The following TENM2 variants were observed in gnomAD, a reference collection of about 807,000 sequenced individuals.
TENM2 encodes the protein teneurin transmembrane protein 2.
Under a neutral mutation model 245.2 loss-of-function variants are expected in TENM2, and 52 were observed. That is an observed-to-expected ratio of 0.21 (90% CI 0.17 to 0.27). The LOEUF is 0.27. Among genes scored for constraint, TENM2 ranks in the 10% least tolerant of loss-of-function variants. TENM2 has a pLI of 1.00. For synonymous variants in TENM2, 1,363 were observed against 1,438.9 expected, an observed-to-expected ratio of 0.95 and a Z score of 1.19; for missense variants, 3,046 against 3,666.8, an observed-to-expected ratio of 0.83 and a Z score of 4.37.
chr5:167,607,314 C>A (rs546926006), intron 2 of TENM2, among the ~76,000 whole-genome samples: 49 of 152,264 alleles, frequency 3.2e-4, no homozygotes, highest in South Asian at 8.3e-4. Flanking sequence ...CTCATCCCAG[C>A]GCTGCTCGAT....
intron 10 of TENM2, among the ~76,000 whole-genome samples, chr5:168,119,405 TC>T: frequency 6.6e-6 from 1 of 152,320 alleles, no homozygotes; most frequent in South Asian, 2.1e-4. Context: ...CTGTAACTAC[TC>T]CTAGTTACCT....
At chr5:167,264,030 G>A in the TENM2 span, among the ~76,000 whole-genome samples, 1,733 of 151,708 alleles carry the variant, frequency 0.011, 25 homozygotes, top group South Asian at 0.02. Flanking sequence ...GCTTGAACTC[G>A]GGAGGTGGAG....
At chr5:167,534,202 C>G (rs144715056) in intron 2 of TENM2, among the ~76,000 whole-genome samples, 1 of 152,270 alleles carries the variant, frequency 6.6e-6, no homozygotes, top group East Asian at 1.9e-4. Flanking sequence ...TGTAAGATCT[C>G]AGAGGCTAAG....
rs151078502 is a variant in TENM2 at position 168,034,828 on chromosome 5, A to C, written c.1187-12599A>C. Among the ~76,000 whole-genome samples the C allele has an allele frequency of 7.4e-3, 1,124 of 152,320 alleles. 11 individuals are homozygous for C. The highest frequency in any genetic ancestry group is 0.026 in the African/African-American group (1,069 of 41,570). On this transcript the variant is annotated intron_variant, in intron 5 of 28. Transcript: ENST00000518659. ...ATGATAAAATGTCCAGAGAGCATGC[A>C]GGAGGAGATCAGCTTAGAAAAATCC... is the stretch of plus-strand genomic sequence containing the variant.
At chr5:167,141,327 G>C in the TENM2 span, among the ~76,000 whole-genome samples, 1 of 152,124 alleles carries the variant, frequency 6.6e-6, no homozygotes, top group Non-Finnish European at 1.5e-5. Flanking sequence ...TATCTTTCTT[G>C]ATGGAAATGA....
At position 167,549,588 on chromosome 5, in the gene TENM2, T is replaced by C. The variant is rs922383065; in HGVS notation, c.502+174115T>C. On this transcript the variant is annotated intron_variant, in intron 2 of 28. Coordinates refer to ENST00000518659, the Ensembl canonical transcript of TENM2. ...GCCTAAAAACAATGAGGACCTAAAG[T>C]GTCCCTCTTCAGATGCTTTTGTTTT... Among the ~76,000 whole-genome samples, 24 of 152,168 alleles carry C rather than the reference T, an allele frequency of 1.6e-4. 1 individual carries two copies. Among genetic ancestry groups the C allele is most frequent in the Admixed American group, 1.4e-3 (21 of 15,276 alleles).
At chr5:167,486,511 G>A (rs982377401) in intron 2 of TENM2, among the ~76,000 whole-genome samples, 25 of 151,788 alleles carry the variant, frequency 1.6e-4, no homozygotes, top group African/African-American at 5.8e-4. Flanking sequence ...TGTGTTTTTA[G>A]TAGAGACAGG....
intron 2 of TENM2, among the ~76,000 whole-genome samples, chr5:167,456,054 C>A (rs925076971): frequency 4.6e-5 from 7 of 152,104 alleles, no homozygotes; most frequent in Non-Finnish European, 8.8e-5. Flanking sequence ...GACTATCATG[C>A]TCTAAATTTT....
At chr5:168,230,578 C>G (rs1764778983) in intron 25 of TENM2, among the ~76,000 whole-genome samples, 1 of 152,132 alleles carries the variant, frequency 6.6e-6, no homozygotes, top group African/African-American at 2.4e-5. Flanking sequence ...TACCCATTGG[C>G]CCCATAAGGC....
At chr5:167,596,593 A>C (rs1468866782) in intron 2 of TENM2, among the ~76,000 whole-genome samples, 1 of 152,138 alleles carries the variant, frequency 6.6e-6, no homozygotes, top group Admixed American at 6.6e-5. Flanking sequence ...GGAGATCAAG[A>C]CCATCCTGGC....
the TENM2 span, among the ~76,000 whole-genome samples, chr5:167,093,150 GA>G: frequency 3.3e-3 from 484 of 148,748 alleles, no homozygotes; most frequent in Non-Finnish European, 5.6e-3. Context: ...TTTGGGGGAG[GA>G]AAAAAAAAAG....
intron 4 of TENM2, among the ~76,000 whole-genome samples, chr5:167,989,483 C>T (rs146269177): frequency 3.8e-4 from 58 of 152,114 alleles, no homozygotes; most frequent in African/African-American, 1.4e-3. Flanking sequence ...GTGGCTGAAG[C>T]GTGAGTGCAT....
chr5:167,706,940 G>A (rs1365193905), intron 2 of TENM2, among the ~76,000 whole-genome samples: 5 of 149,998 alleles, frequency 3.3e-5, no homozygotes, highest in African/African-American at 4.9e-5. Context: ...GCGTGAACCC[G>A]GGAGGCGGAG....
At chr5:167,893,935 A>G (rs751153478) in intron 3 of TENM2, among the ~76,000 whole-genome samples, 8 of 152,230 alleles carry the variant, frequency 5.3e-5, no homozygotes, top group Non-Finnish European at 1.0e-4. Flanking sequence ...TTATGTAGTC[A>G]GTAATAAAAA....
At chr5:167,462,175 A>AACCC (rs1766338859) in intron 2 of TENM2, among the ~76,000 whole-genome samples, 1 of 52,902 alleles carries the variant, frequency 1.9e-5, no homozygotes, top group Non-Finnish European at 3.6e-5. Flanking sequence ...GAGTTCCCTG[A>AACCC]CCCCCACCCC....
chr5:168,262,024 T>C, intron 28 of TENM2, 25 bp from the exon 31 acceptor site: 3 of 1,603,220 alleles, frequency 1.9e-6, no homozygotes, highest in Non-Finnish European at 2.6e-6. Flanking sequence ...TCTTCTCAGC[T>C]TTCTCTGTTT....
At chr5:167,668,241 C>T (rs990907699) in intron 2 of TENM2, among the ~76,000 whole-genome samples, 2 of 152,092 alleles carry the variant, frequency 1.3e-5, no homozygotes, top group African/African-American at 4.8e-5. Flanking sequence ...CTCAGCTCCA[C>T]CAAGAGTCCC....
intron 2 of TENM2, among the ~76,000 whole-genome samples, chr5:167,836,375 G>A (rs143992154): frequency 2.6e-5 from 4 of 152,270 alleles, no homozygotes; most frequent in Non-Finnish European, 5.9e-5. Flanking sequence ...ACTCACACTG[G>A]AAACATCTAA....
chr5:167,753,174 A>G (rs1435446670), intron 2 of TENM2, among the ~76,000 whole-genome samples: 2 of 152,234 alleles, frequency 1.3e-5, no homozygotes, highest in Non-Finnish European at 1.5e-5. Flanking sequence ...ATCTGAATGC[A>G]TGCAAAGAAA....
Sources: gnomAD v4.1 joint callset for allele counts (sites outside exome capture counted in the v4.1 genomes callset) on GRCh38, gnomAD v4.1.1 for gene constraint, MANE v1.5 for transcripts, NCBI Gene and HGNC (gene_info 2026-07-23, HGNC 2026-07-21) for gene names.